Variants in EHMT1 observed in about 807,000 individuals in gnomAD.
EHMT1 encodes euchromatic histone lysine methyltransferase 1.
A neutral mutation model predicts 147.2 loss-of-function variants in EHMT1; 15 were observed. That is an observed-to-expected ratio of 0.10 (90% CI 0.07 to 0.16). EHMT1 has a LOEUF of 0.16. Among genes scored for constraint, EHMT1 ranks in the 10% least tolerant of loss-of-function variants. The pLI, the probability that EHMT1 is intolerant of heterozygous loss-of-function variation, is 1.00. For missense variants in EHMT1, 1,587 were observed against 1,772.4 expected, an observed-to-expected ratio of 0.90 and a Z score of 1.88; for synonymous variants, 795 against 709.6, an observed-to-expected ratio of 1.12 and a Z score of -1.91.
At chr9:137,780,943 T>C (rs1588672568) in intron 14 of EHMT1, among the ~76,000 whole-genome samples, 2 of 94,036 alleles carry the variant, frequency 2.1e-5, no homozygotes, top group Non-Finnish European at 4.2e-5. Flanking sequence ...ACGGCATCAC[T>C]GAGATGTGTG....
rs1272761868 is a variant in EHMT1 at position 137,828,185 on chromosome 9, G to A, written c.3541-6164G>A. Among the ~76,000 whole-genome samples, 2 of 152,164 alleles carry A rather than the reference G, an allele frequency of 1.3e-5. No homozygotes were observed. Among genetic ancestry groups the A allele is most frequent in the Admixed American group, 1.3e-4 (2 of 15,280 alleles). Reference sequence around the variant, plus strand: ...GTGACCATCCACAGGCCCCAGGGGGGTGCTGGCGGGCATCAGGGAAGTCCC... The same window carrying A: ...GTGACCATCCACAGGCCCCAGGGGGATGCTGGCGGGCATCAGGGAAGTCCC... On this transcript the variant is annotated intron_variant, in intron 25 of 26. Transcript: ENST00000460843. This position sits in a 1 kb window ranked among gnomAD's most constrained non-coding sequence, Gnocchi z 5.3.
chr9:137,640,132 G>A (rs10867035), intron 1 of EHMT1, among the ~76,000 whole-genome samples: 22,980 of 152,058 alleles, frequency 0.15, 2,044 homozygotes, highest in Admixed American at 0.29. Flanking sequence ...ATGGGGTTTC[G>A]CTGTGTTGGC....
chr9:137,709,821 G>C (rs1263139460), intron 1 of EHMT1, among the ~76,000 whole-genome samples: 1 of 152,108 alleles, frequency 6.6e-6, no homozygotes, highest in African/African-American at 2.4e-5. Flanking sequence ...TCCCTCAGTT[G>C]TTCCTATTTT....
At chr9:137,824,210 G>A (rs1386251218) in intron 25 of EHMT1, among the ~76,000 whole-genome samples, 1 of 152,140 alleles carries the variant, frequency 6.6e-6, no homozygotes, top group African/African-American at 2.4e-5. Flanking sequence ...CCGTGATCGA[G>A]CCACTGCACT....
chr9:137,831,250 T>C (rs1956166032), intron 25 of EHMT1, among the ~76,000 whole-genome samples: 1 of 152,108 alleles, frequency 6.6e-6, no homozygotes, highest in South Asian at 2.1e-4. Context: ...CGAGAAAAAA[T>C]ACTCAAGTAG....
intron 7 of EHMT1, among the ~76,000 whole-genome samples, chr9:137,753,526 C>T (rs1344097006): frequency 1.3e-5 from 2 of 152,198 alleles, no homozygotes; most frequent in Non-Finnish European, 1.5e-5. Context: ...AGGCCTTGTG[C>T]AGGGACATGT....
At chr9:137,625,539 T>C (rs1054521582) in intron 1 of EHMT1, among the ~76,000 whole-genome samples, 1 of 151,990 alleles carries the variant, frequency 6.6e-6, no homozygotes, top group Non-Finnish European at 1.5e-5. Context: ...GGTTTTGTCA[T>C]GTTGACCAGT....
chr9:137,807,750 C>T (rs562412465), intron 18 of EHMT1, among the ~76,000 whole-genome samples: 80 of 152,216 alleles, frequency 5.3e-4, no homozygotes, highest in African/African-American at 1.8e-3. Context: ...TCAAGTGATT[C>T]CCCCGCCAAG....
intron 14 of EHMT1, among the ~76,000 whole-genome samples, chr9:137,781,487 T>C (rs1951549932): frequency 6.6e-6 from 1 of 152,150 alleles, no homozygotes. Flanking sequence ...CGCTGGAATG[T>C]GTGGTGATGA....
intron 2 of EHMT1, among the ~76,000 whole-genome samples, chr9:137,716,398 A>G (rs1271894662): frequency 2.5e-4 from 7 of 28,134 alleles, no homozygotes; most frequent in Admixed American, 1.7e-3. Context: ...TGTTGGTGTC[A>G]TGGTGGGGGA....
intron 18 of EHMT1, among the ~76,000 whole-genome samples, chr9:137,801,187 C>G (rs554325540): frequency 6.6e-6 from 1 of 152,280 alleles, no homozygotes; most frequent in East Asian, 1.9e-4. Context: ...CAGAGGCCAC[C>G]CTCTAGGGAT....
intron 9 of EHMT1, among the ~76,000 whole-genome samples, chr9:137,760,762 CACT>C (rs1564709901): frequency 1.3e-5 from 2 of 152,222 alleles, no homozygotes; most frequent in Non-Finnish European, 2.9e-5. Flanking sequence ...GTAATCCCAG[CACT>C]TTGGGAGGCC....
At chr9:137,671,748 G>C (rs982710767) in intron 1 of EHMT1, among the ~76,000 whole-genome samples, 14 of 152,074 alleles carry the variant, frequency 9.2e-5, no homozygotes, top group African/African-American at 3.1e-4. Flanking sequence ...GGCTGAGCTT[G>C]AATCCCTGAG....
intron 6 of EHMT1, among the ~76,000 whole-genome samples, chr9:137,744,977 G>GC (rs1948425196): frequency 6.6e-6 from 1 of 152,230 alleles, no homozygotes; most frequent in African/African-American, 2.4e-5. Context: ...TAGGAGTGAC[G>GC]CATTTCATAA....
chr9:137,770,126 T>C (rs1950499900), intron 10 of EHMT1, among the ~76,000 whole-genome samples: 2 of 152,218 alleles, frequency 1.3e-5, no homozygotes, highest in South Asian at 2.1e-4. Flanking sequence ...TGTGAGTCAC[T>C]GTGCCCGGCC....
In EHMT1 at chr9:137,701,444, T is replaced by C. The variant is rs2135170520; in HGVS notation, c.22-9523T>C. 1.3e-5 allele frequency among the ~76,000 whole-genome samples: 2 copies of C among 151,798 alleles called. 1 individual carries two copies. The highest frequency in any genetic ancestry group is 4.2e-4 in the South Asian group (2 of 4,788). On this transcript the variant is annotated intron_variant, in intron 1 of 26. Coordinates refer to ENST00000460843, the MANE Select transcript of EHMT1 (RefSeq NM_024757.5). Reference sequence around the variant, plus strand: ...GATTGCAGGCATGTGCCACCACACCTGGCTAATTTTTATTTTATTTTATTT... The same window carrying C: ...GATTGCAGGCATGTGCCACCACACCCGGCTAATTTTTATTTTATTTTATTT...
intron 9 of EHMT1, 140 bp from the exon 10 acceptor site, chr9:137,762,535 G>A: frequency 1.4e-6 from 2 of 1,443,148 alleles, no homozygotes; most frequent in South Asian, 2.4e-5. Flanking sequence ...CCCACGCAGG[G>A]CTGTTTGTGC....
chr9:137,697,660 A>G (rs1302146696), intron 1 of EHMT1, among the ~76,000 whole-genome samples: 2 of 152,250 alleles, frequency 1.3e-5, no homozygotes, highest in African/African-American at 2.4e-5. Flanking sequence ...ATATGTTGAT[A>G]GAATATTCAT....
chr9:137,798,961 C>CGG (rs746576855), intron 17 of EHMT1, 47 bp downstream of exon 17: 1 of 1,457,704 alleles, frequency 6.9e-7, no homozygotes, highest in East Asian at 2.3e-5. Flanking sequence ...GGACTGGCTA[C>CGG]GGAAACTCAC....
Sources: allele counts gnomAD v4.1 joint callset (sites outside exome capture counted in the v4.1 genomes callset), GRCh38; gene constraint gnomAD v4.1.1; non-coding constraint Gnocchi (gnomAD v3.1); transcripts MANE v1.5; gene names NCBI Gene and HGNC (gene_info 2026-07-23, HGNC 2026-07-21).